GPC1: variants seen among roughly 807,000 people sequenced by gnomAD.
GPC1 encodes the protein glypican-1.
In GPC1, 26 loss-of-function variants were observed where a neutral mutation model predicts 51.5. That is an observed-to-expected ratio of 0.50 (90% CI 0.37 to 0.70). GPC1 has a LOEUF of 0.70. Ranked by LOEUF, GPC1 falls within the 30% of genes least tolerant of loss-of-function variation. The pLI, the probability that GPC1 is intolerant of heterozygous loss-of-function variation, is 0.00. For missense variants in GPC1, 775 were observed against 800.5 expected, an observed-to-expected ratio of 0.97 and a Z score of 0.38; for synonymous variants, 380 against 348.3, an observed-to-expected ratio of 1.09 and a Z score of -1.01.
At chr2:240,444,632 C>T (rs527251945) in intron 1 of GPC1, among the ~76,000 whole-genome samples, 2 of 152,178 alleles carry the variant, frequency 1.3e-5, no homozygotes, top group South Asian at 2.1e-4. Context: ...GGCCTGTGCG[C>T]ACCTTCAGAC....
chr2:240,456,652 A>G (rs564190210), intron 1 of GPC1: 9 of 470,492 alleles, frequency 1.9e-5, no homozygotes, highest in Non-Finnish European at 3.5e-5. Flanking sequence ...GGATGGGTGC[A>G]CAGGGCCCCA....
At position 240,466,265 on chromosome 2, in the gene GPC1, C is replaced by G. The variant is rs1280397022; in HGVS notation, c.1652C>G (p.Thr551Arg). The G allele has an allele frequency of 1.9e-6, 3 of 1,604,982 alleles. No homozygotes were observed. The highest frequency in any genetic ancestry group is 2.6e-6 in the Non-Finnish European group (3 of 1,172,390). Residue 551 changes from threonine (T) to arginine (R), a missense_variant, in exon 9 of 9, where the codon ACA (threonine) becomes AGA (arginine). Physicochemically the swap from Thr to Arg is moderately conservative, Grantham distance 71. Transcript: ENST00000264039. ...LLPLLLFLAL[T>R]VARPRWR ...CCCCTCCTCCTCTTCCTGGCCCTTA[C>G]AGTAGCCAGGCCCCGGTGGCGGTAA... is the stretch of plus-strand genomic sequence containing the variant.
At chr2:240,458,013 G>C (rs936960399) in intron 1 of GPC1, 1 of 469,610 alleles carries the variant, frequency 2.1e-6, no homozygotes, top group Admixed American at 2.4e-5. Flanking sequence ...GGCGGGGGAC[G>C]AGGCCCAGAA....
At chr2:240,449,151 A>G (rs1383336427) in intron 1 of GPC1, among the ~76,000 whole-genome samples, 1 of 152,166 alleles carries the variant, frequency 6.6e-6, no homozygotes, top group African/African-American at 2.4e-5. Flanking sequence ...GAGGCTGGGG[A>G]CAGTTCAGAG....
intron 1 of GPC1, among the ~76,000 whole-genome samples, chr2:240,456,945 T>C (rs904764824): frequency 1.3e-5 from 2 of 152,136 alleles, no homozygotes; most frequent in Non-Finnish European, 2.9e-5. Flanking sequence ...AGAGCCGGGC[T>C]CTGTCCTCAC....
intron 1 of GPC1, chr2:240,458,705 C>T: frequency 3.2e-6 from 1 of 309,378 alleles, no homozygotes; most frequent in Non-Finnish European, 6.0e-6. Flanking sequence ...TCCACACTTG[C>T]ACACAGGAAC....
At chr2:240,444,388 C>T (rs1198886659) in intron 1 of GPC1, among the ~76,000 whole-genome samples, 1 of 152,190 alleles carries the variant, frequency 6.6e-6, no homozygotes, top group African/African-American at 2.4e-5. Context: ...CAAATCCAGC[C>T]GCCCAGGACC....
chr2:240,456,382 G>T (rs996152789), intron 1 of GPC1, among the ~76,000 whole-genome samples: 13 of 152,262 alleles, frequency 8.5e-5, no homozygotes, highest in African/African-American at 3.1e-4. Context: ...GCCGGCGGGG[G>T]ACGCCACCCA....
chr2:240,441,194 C>T (rs199546941), intron 1 of GPC1, among the ~76,000 whole-genome samples: 4 of 152,270 alleles, frequency 2.6e-5, no homozygotes, highest in East Asian at 1.9e-4. Context: ...GTGGCCGAAC[C>T]GCAGGGCTGC....
intron 1 of GPC1, among the ~76,000 whole-genome samples, chr2:240,449,152 C>T (rs2074073653): frequency 1.3e-5 from 2 of 152,194 alleles, no homozygotes; most frequent in South Asian, 4.1e-4. Context: ...AGGCTGGGGA[C>T]AGTTCAGAGT....
intron 7 of GPC1, 114 bp from the exon 8 acceptor site, chr2:240,465,359 C>G: frequency 1.5e-6 from 2 of 1,346,092 alleles, no homozygotes; most frequent in Non-Finnish European, 2.1e-6. Context: ...TCTGCTCGGT[C>G]CCTGGAAGCT....
rs1045079917 is a variant in GPC1, at chr2:240,463,494, G to A, written c.865G>A (p.Glu289Lys). Residue 289 changes from glutamate (E) to lysine (K), a missense_variant, in exon 4 of 9, where the codon GAG becomes AAG. Transcript: ENST00000264039. Reference sequence around the variant, plus strand: ...TGCCAACCAGGCCGACCTGGACGCCGAGTGGAGGAACCTCCTGGGTGAGCC... The same window carrying A: ...TGCCAACCAGGCCGACCTGGACGCCAAGTGGAGGAACCTCCTGGGTGAGCC... The part of the protein sequence containing the change: ...CLANQADLDA[E>K]WRNLLDSMVL... 1.2e-6 allele frequency: 2 copies of A among 1,612,928 alleles called. No homozygotes were observed. The highest frequency in any genetic ancestry group is 1.7e-6 in the Non-Finnish European group (2 of 1,179,936).
At position 240,465,218 on chromosome 2, in the gene GPC1, C is replaced by T. The variant is rs761809947; in HGVS notation, c.1268+8C>T. ...CGGGATGGCCAGAGGCCGGTAGGTG[C>T]CCACCTGGCTGGCACAGCCCTCCCT... On this transcript the variant is annotated splice_region_variant and intron_variant, in intron 7 of 8. Coordinates refer to ENST00000264039, the MANE Select transcript of GPC1 (RefSeq NM_002081.3). 12 of 1,599,494 alleles carry T rather than the reference C, an allele frequency of 7.5e-6. No homozygotes were observed. The Admixed American group carries it at 1.0e-4, about 14-fold the overall frequency.
chr2:240,453,775 G>C (rs2074129069), intron 1 of GPC1, among the ~76,000 whole-genome samples: 2 of 151,850 alleles, frequency 1.3e-5, no homozygotes, highest in South Asian at 4.1e-4. Flanking sequence ...TTCGTCCCTG[G>C]CCGCGGCGGC....
In GPC1 at chr2:240,448,761, C is replaced by T. The variant is rs1574761227; in HGVS notation, c.167-10269C>T. 6.6e-6 allele frequency among the ~76,000 whole-genome samples: 1 copy of T among 152,020 alleles called. No homozygotes were observed. Among genetic ancestry groups the T allele is most frequent in the East Asian group, 1.9e-4 (1 of 5,168 alleles). ...AGCGTGACCGGCAGTTATCCCTCCCCGGACGTGGCCTTGCAGACACCAGCC... is the reference window on the plus strand; with the variant it reads ...AGCGTGACCGGCAGTTATCCCTCCCTGGACGTGGCCTTGCAGACACCAGCC... On this transcript the variant is annotated intron_variant, in intron 1 of 8. Coordinates refer to ENST00000264039, the MANE Select transcript of GPC1 (RefSeq NM_002081.3). This position sits in a 1 kb window ranked among gnomAD's most constrained non-coding sequence, Gnocchi z 4.5.
Position 240,455,986 on chromosome 2 carries a change from G to T in GPC1, c.167-3044G>T, listed in dbSNP as rs779630857. 9 of 426,964 alleles carry T rather than the reference G, an allele frequency of 2.1e-5. No individual in the cohort carries two copies. The Admixed American group carries it at 2.4e-4, about 11-fold the overall frequency. The allele number at this position is 426,964 out of a possible 1,614,324, so 26.4% of individuals were successfully genotyped here. On this transcript the variant is annotated intron_variant, in intron 1 of 8. Coordinates refer to ENST00000264039, the MANE Select transcript of GPC1 (RefSeq NM_002081.3). ...CCTTCGCCCGCCTTGCGTCCAGCCT[G>T]CCGGGGGCTCCCAGGCCGGCGCCCG... is the stretch of plus-strand genomic sequence containing the variant.
intron 1 of GPC1, among the ~76,000 whole-genome samples, chr2:240,441,124 C>T (rs937405534): frequency 1.3e-5 from 2 of 152,274 alleles, no homozygotes; most frequent in South Asian, 2.1e-4. Context: ...CTGTGGTTAA[C>T]GCGCCTTCCC....
intron 1 of GPC1, among the ~76,000 whole-genome samples, chr2:240,453,973 G>A (rs2074131483): frequency 6.6e-6 from 1 of 152,170 alleles, no homozygotes; most frequent in African/African-American, 2.4e-5. Context: ...TCCCTACGAC[G>A]CCCCTCGGTT....
intron 1 of GPC1, among the ~76,000 whole-genome samples, chr2:240,454,077 G>A (rs1483842740): frequency 1.3e-5 from 2 of 151,784 alleles, no homozygotes; most frequent in East Asian, 1.9e-4. Flanking sequence ...GGGGCTTCGG[G>A]CAGACGGCAG....
Sources: gnomAD v4.1 joint callset for allele counts (sites outside exome capture counted in the v4.1 genomes callset) on GRCh38, gnomAD v4.1.1 for gene constraint, Gnocchi (gnomAD v3.1) non-coding constraint, MANE v1.5 for transcripts, NCBI Gene and HGNC (gene_info 2026-07-23, HGNC 2026-07-21) for gene names.